Variants in CTTN observed in about 807,000 individuals in gnomAD.
The protein encoded by CTTN is src substrate cortactin.
A neutral mutation model predicts 84.0 loss-of-function variants in CTTN; 28 were observed. The ratio of observed to expected loss-of-function variants is 0.33; its 90% CI spans 0.25 to 0.46. The LOEUF is 0.46. Ranked by LOEUF, CTTN falls within the 20% of genes least tolerant of loss-of-function variation. The pLI is 1.00. For missense variants in CTTN, 641 were observed against 723.8 expected, an observed-to-expected ratio of 0.89 and a Z score of 1.31; for synonymous variants, 301 against 288.8, an observed-to-expected ratio of 1.04 and a Z score of -0.43.
At chr11:70,425,223 TG>T in intron 12 of CTTN, 108 bp from the exon 13 acceptor site, 1 of 816,338 alleles carries the variant, frequency 1.2e-6, no homozygotes, top group Non-Finnish European at 2.0e-6. Context: ...GCTGTGTGGC[TG>T]GGCCTTTGGG....
chr11:70,400,258 C>T (rs917861501), intron 1 of CTTN, among the ~76,000 whole-genome samples: 5 of 152,040 alleles, frequency 3.3e-5, no homozygotes, highest in African/African-American at 1.2e-4. Context: ...CGTTTGAGGC[C>T]AGGAGTTCCA....
chr11:70,412,834 A>G (rs542410500), intron 5 of CTTN, among the ~76,000 whole-genome samples: 2 of 152,228 alleles, frequency 1.3e-5, no homozygotes, highest in South Asian at 2.1e-4. Context: ...ATCGAAGGCA[A>G]TTTTGGAGAT....
At chr11:70,411,316 C>G (rs2058093920) in intron 5 of CTTN, among the ~76,000 whole-genome samples, 1 of 110,482 alleles carries the variant, frequency 9.1e-6, no homozygotes, top group African/African-American at 3.5e-5. Context: ...TCCATGTGTT[C>G]AGTGCAGCGA....
rs1308648295 is a variant in CTTN, at chr11:70,431,235, A to G, written c.1221A>G (p.Ala407=). ...AKTQTPPVSP[A]PQPTEERLPS... Reference sequence around the variant, plus strand: ...CGCAAACGCCCCCTGTGTCGCCCGCACCTCAGCCAACCGAGGAGAGGCTGC... The same window carrying G: ...CGCAAACGCCCCCTGTGTCGCCCGCGCCTCAGCCAACCGAGGAGAGGCTGC... Residue 407 remains alanine (A), a synonymous_variant, in exon 15 of 18, where the codon GCA becomes GCG. Coordinates refer to ENST00000301843, the MANE Select transcript of CTTN (RefSeq NM_005231.4). 14 of 1,614,032 alleles carry G rather than the reference A, an allele frequency of 8.7e-6. No homozygotes were observed. The highest frequency in any genetic ancestry group is 1.3e-5 in the African/African-American group (1 of 74,992).
rs1352903659 is a variant in CTTN, at chr11:70,429,215, T to C, written c.1176+16T>C. 3 of 1,606,348 alleles carry C rather than the reference T, an allele frequency of 1.9e-6. No homozygotes were observed. Among genetic ancestry groups the C allele is most frequent in the African/African-American group, 2.7e-5 (2 of 74,546 alleles). On this transcript the variant is annotated intron_variant, in intron 14 of 17. Coordinates refer to ENST00000301843, the MANE Select transcript of CTTN (RefSeq NM_005231.4). ...GAAGCTGGAGGTGAGTGGCAAGGAGTGGGCCGCAGCGCACCCTCCCTGGGA... is the reference window on the plus strand; with the variant it reads ...GAAGCTGGAGGTGAGTGGCAAGGAGCGGGCCGCAGCGCACCCTCCCTGGGA...
intron 4 of CTTN, 129 bp from the exon 5 acceptor site, chr11:70,409,702 G>A (rs965799984): frequency 1.2e-5 from 13 of 1,046,876 alleles, no homozygotes; most frequent in Admixed American, 2.0e-5. Context: ...GGAGAGAATC[G>A]GTGAACATCA....
rs200308549 is a variant in CTTN at position 70,433,208 on chromosome 11, C to G, written c.1374C>G (p.Ser458Arg). The G allele has an allele frequency of 2.9e-4, 464 of 1,613,542 alleles. 1 individual carries two copies. In the Admixed American group the frequency reaches 7.7e-3, roughly 27 times the overall value. ...MEAADYREAS[S>R]QQGLAYATEA... ...CCGCTGACTACCGAGAGGCCAGCAG[C>G]CAGCAGGGCCTGGCCTATGCCACAG... The change falls in exon 16 of 18, where the codon AGC becomes AGG. Residue 458 changes from serine to arginine, a missense_variant. This residue lies in a region of CTTN where 289 missense variants were observed against 273.1 expected (regional missense o/e 1.06). Coordinates refer to ENST00000301843, the MANE Select transcript of CTTN (RefSeq NM_005231.4).
chr11:70,435,138 C>A lies in CTTN; in HGVS notation c.1629C>A (p.Ala543=). The A allele has an allele frequency of 6.2e-7, 1 of 1,612,464 alleles. No homozygotes were observed. Reference sequence around the variant, plus strand: ...AGGGCCGGTACGGGCTCTTCCCAGCCAACTATGTGGAGCTGCGGCAGTAGG... The same window carrying A: ...AGGGCCGGTACGGGCTCTTCCCAGCAAACTATGTGGAGCTGCGGCAGTAGG... The part of the protein sequence containing the change: ...VCKGRYGLFP[A]NYVELRQ Residue 543 remains alanine (A), a synonymous_variant, in exon 18 of 18, where the codon GCC becomes GCA. Transcript: ENST00000301843.
At chr11:70,431,879 C>T (rs1358853768) in intron 15 of CTTN, among the ~76,000 whole-genome samples, 8 of 152,194 alleles carry the variant, frequency 5.3e-5, no homozygotes. Context: ...GGGTCTCCTG[C>T]TCCCCGCCAG....
rs186463243 is a variant in CTTN, at chr11:70,417,450, C to A, written c.568+327C>A. Among the ~76,000 whole-genome samples the A allele has an allele frequency of 6.6e-5, 10 of 152,140 alleles. No individual in the cohort carries two copies. In the East Asian group the frequency reaches 1.5e-3, roughly 24 times the overall value. ...TCCGTGGTCTCAAGCAATCCTCCCC[C>A]ACCTTGGTTTCCTTAAGTGCTGGGA... On this transcript the variant is annotated intron_variant, in intron 8 of 17. Coordinates refer to ENST00000301843, the MANE Select transcript of CTTN (RefSeq NM_005231.4).
chr11:70,423,426 A>G (rs1321407894), intron 12 of CTTN, among the ~76,000 whole-genome samples: 1 of 152,224 alleles, frequency 6.6e-6, no homozygotes, highest in African/African-American at 2.4e-5. Flanking sequence ...TCCCGTCTTC[A>G]GCCTCGTAGA....
At chr11:70,413,684 G>C (rs1187328343) in intron 5 of CTTN, among the ~76,000 whole-genome samples, 1 of 152,232 alleles carries the variant, frequency 6.6e-6, no homozygotes, top group Non-Finnish European at 1.5e-5. Context: ...CGACATTAAT[G>C]ATGCTGAAAT....
chr11:70,419,387 G>A (rs1056347076), intron 8 of CTTN, among the ~76,000 whole-genome samples: 6 of 152,148 alleles, frequency 3.9e-5, no homozygotes, highest in African/African-American at 9.7e-5. Flanking sequence ...TGTGATTACA[G>A]GCGTGAGCCC....
At chr11:70,433,747 G>C in intron 17 of CTTN, 29 bp downstream of exon 17, 1 of 1,516,094 alleles carries the variant, frequency 6.6e-7, no homozygotes. Flanking sequence ...CACTTGGAGG[G>C]GAGACCCAGG....
intron 8 of CTTN, among the ~76,000 whole-genome samples, chr11:70,418,241 C>T (rs1351182947): frequency 2.6e-5 from 4 of 152,362 alleles, no homozygotes; most frequent in East Asian, 3.9e-4. Flanking sequence ...TGTAGTTTGT[C>T]GCGGCCTGGC....
At chr11:70,421,113 A>G (rs12281476) in intron 10 of CTTN, among the ~76,000 whole-genome samples, 14,112 of 152,242 alleles carry the variant, frequency 0.093, 2,205 homozygotes, top group African/African-American at 0.32. Context: ...GCGCCCTCCG[A>G]ATCTGCAGGG....
At position 70,435,205 on chromosome 11, in the gene CTTN, C is replaced by G. The variant is rs537018772; in HGVS notation, c.*43C>G. 9 of 1,532,964 alleles carry G rather than the reference C, an allele frequency of 5.9e-6. No individual in the cohort carries two copies. In the East Asian group the frequency reaches 2.1e-4, roughly 36 times the overall value. 95.0% of individuals were successfully genotyped at this position (1,532,964 alleles called of 1,614,324 possible). On this transcript the variant is annotated 3_prime_UTR_variant, in exon 18 of 18. Transcript: ENST00000301843. ...CGGAGCTGCGCCCTGGATCCTCACA[C>G]TACAGATCAGGCCTTCTTTGGTTCT...
rs749930353 is a variant in CTTN, at chr11:70,429,129, C to T, written c.1106C>T (p.Ala369Val). 1.3e-5 allele frequency: 21 copies of T among 1,614,064 alleles called. No homozygotes were observed. The highest frequency in any genetic ancestry group is 1.5e-5 in the Non-Finnish European group (18 of 1,180,022). The change falls in exon 14 of 18, where the codon GCG becomes GTG. Residue 369 changes from alanine (A) to valine (V), a missense_variant. By Grantham distance (64) the Ala-to-Val change is moderately conservative. This residue lies in a region of CTTN where 289 missense variants were observed against 273.1 expected (regional missense o/e 1.06). Coordinates refer to ENST00000301843, the MANE Select transcript of CTTN (RefSeq NM_005231.4). ...KEKEQEDRRK[A>V]EAERAQRMAK... Reference sequence around the variant, plus strand: ...AAAGAGCAGGAGGACAGGCGGAAGGCGGAGGCGGAGAGAGCCCAGCGGATG... The same window carrying T: ...AAAGAGCAGGAGGACAGGCGGAAGGTGGAGGCGGAGAGAGCCCAGCGGATG...
chr11:70,407,346 G>C lies in CTTN; in HGVS notation c.49G>C (p.Ala17Pro). 1 of 1,566,326 alleles carries C rather than the reference G, an allele frequency of 6.4e-7. No individual in the cohort carries two copies. The highest frequency in any genetic ancestry group is 8.7e-7 in the Non-Finnish European group (1 of 1,155,418). ...CGCTGTGTCCATCGCCCAGGATGAC[G>C]CGGGGGCCGATGACTGGGAGACCGA... ...GHAVSIAQDD[A>P]GADDWETDPD... is the part of the protein sequence containing the mutation. Residue 17 changes from alanine to proline, a missense_variant, in exon 3 of 18, where the codon GCG becomes CCG. Physicochemically the swap from Ala to Pro is conservative, Grantham distance 27. Transcript: ENST00000301843.
Sources: gnomAD v4.1 joint callset for allele counts (sites outside exome capture counted in the v4.1 genomes callset) on GRCh38, gnomAD v4.1.1 for gene constraint, gnomAD v4.1.1 regional missense constraint, MANE v1.5 for transcripts, NCBI Gene and HGNC (gene_info 2026-07-23, HGNC 2026-07-21) for gene names.